The following HIP1R variants were observed in gnomAD, a reference collection of about 807,000 sequenced individuals.
The protein encoded by HIP1R is huntingtin-interacting protein 1-related protein.
In HIP1R, 135 loss-of-function variants were observed where a neutral mutation model predicts 144.2. That is an observed-to-expected ratio of 0.94 (90% CI 0.81 to 1.08). HIP1R has a LOEUF of 1.08. HIP1R is among the 50% of genes least tolerant of loss of function. The pLI, the probability that HIP1R is intolerant of heterozygous loss-of-function variation, is 0.00. For synonymous variants in HIP1R, 698 were observed against 612.8 expected (o/e 1.14, Z -2.05); for missense variants, 1,462 against 1,432.8 (o/e 1.02, Z -0.33).
Position 122,855,245 on chromosome 12 carries a change from C to G in HIP1R, c.853-20C>G, listed in dbSNP as rs752245775. The G allele has an allele frequency of 5.0e-6, 8 of 1,612,366 alleles. No individual in the cohort carries two copies. Among genetic ancestry groups the G allele is most frequent in the Non-Finnish European group, 3.4e-6 (4 of 1,179,636 alleles). Reference sequence around the variant, plus strand: ...TTGCTTAGGGGACAGCTGAGCAGGTCCCACCTGCCGCCCCTGCAGGGACCC... The same window carrying G: ...TTGCTTAGGGGACAGCTGAGCAGGTGCCACCTGCCGCCCCTGCAGGGACCC... On this transcript the variant is annotated intron_variant, in intron 10 of 31. Coordinates refer to ENST00000253083, the MANE Select transcript of HIP1R (RefSeq NM_003959.3).
At chr12:122,856,391 G>T in intron 15 of HIP1R, 41 bp from the exon 16 acceptor site, 1 of 1,609,630 alleles carries the variant, frequency 6.2e-7, no homozygotes, top group Non-Finnish European at 8.5e-7. Flanking sequence ...GGGCCTCTCG[G>T]GGATGGCAGC....
chr12:122,859,278 G>T (rs771257120), intron 22 of HIP1R, 81 bp downstream of exon 22: 28 of 1,501,646 alleles, frequency 1.9e-5, no homozygotes, highest in Admixed American at 6.0e-5. Context: ...GGCTGAACAG[G>T]TGTTTGTGCG....
At chr12:122,845,043 C>A (rs2033169048) in intron 1 of HIP1R, among the ~76,000 whole-genome samples, 1 of 152,262 alleles carries the variant, frequency 6.6e-6, no homozygotes, top group Non-Finnish European at 1.5e-5. Context: ...GGACCCAGAA[C>A]CAAGTATTGC....
rs923439099 is a variant in HIP1R at position 122,840,008 on chromosome 12, C to G, written c.93+4365C>G. 6.6e-6 allele frequency among the ~76,000 whole-genome samples: 1 copy of G among 152,246 alleles called. No individual in the cohort carries two copies. The highest frequency in any genetic ancestry group is 1.5e-5 in the Non-Finnish European group (1 of 68,034). ...TGATTTGCCCGCAGCATGGCATGGG[C>G]GTTGAGCTCGTTGTTCCTGGGCATG... On this transcript the variant is annotated intron_variant, in intron 1 of 31. Transcript: ENST00000253083. The surrounding 1 kb of genome is among the most constrained non-coding windows in gnomAD (Gnocchi z 4.2).
rs371778022 is a variant in HIP1R at position 122,854,154 on chromosome 12, C to T, written c.689C>T (p.Thr230Met). 2.8e-5 allele frequency: 45 copies of T among 1,613,628 alleles called. No homozygotes were observed. Among genetic ancestry groups the T allele is most frequent in the Non-Finnish European group, 3.5e-5 (41 of 1,179,894 alleles). ...GACTGCAGCCACCTCTACCACTACA[C>T]GGTCAAGCTCCTGTTCAAGCTACAC... ...IQDCSHLYHY[T>M]VKLLFKLHSC... Residue 230 changes from threonine (T) to methionine (M), a missense_variant, in exon 8 of 32, where the codon ACG (threonine) becomes ATG (methionine). Physicochemically the swap from Thr to Met is moderately conservative, Grantham distance 81. Around this residue, in one of 2 missense-constraint regions of HIP1R, gnomAD observed 350 missense variants for 421.1 expected, o/e 0.83. Transcript: ENST00000253083.
chr12:122,857,123 A>G lies in HIP1R; in HGVS notation c.1723A>G (p.Ser575Gly), dbSNP rs1042588477. 4 of 1,550,580 alleles carry G rather than the reference A, an allele frequency of 2.6e-6. No individual in the cohort carries two copies. Among genetic ancestry groups the G allele is most frequent in the Non-Finnish European group, 3.5e-6 (4 of 1,147,010 alleles). The change falls in exon 18 of 32, where the codon AGC becomes GGC. Residue 575 changes from serine (S) to glycine (G), a missense_variant. This residue lies in a region of HIP1R where 1,112 missense variants were observed against 1,011.7 expected (regional missense o/e 1.10). Transcript: ENST00000253083. ...GGAGGCAGACCTGCTGGCGGCGCAG[A>G]GCCTGGTGCGCGAGACAGAGGCGGC... ...QREADLLAAQ[S>G]LVRETEAALS... is the part of the protein sequence containing the mutation.
rs2033573986 is a variant in HIP1R at position 122,856,276 on chromosome 12, G to A, written c.1333G>A (p.Ala445Thr). 2 of 1,613,724 alleles carry A rather than the reference G, an allele frequency of 1.2e-6. No homozygotes were observed. Among genetic ancestry groups the A allele is most frequent in the Admixed American group, 1.7e-5 (1 of 60,004 alleles). The change falls in exon 15 of 32, where the codon GCG becomes ACG. Residue 445 changes from alanine to threonine, a missense_variant. Around this residue, in one of 2 missense-constraint regions of HIP1R, gnomAD observed 1,112 missense variants for 1,011.7 expected, o/e 1.10. Transcript: ENST00000253083. ...EAERKASATEARYNKLKEKHS... is the reference protein window; with the variant it reads ...EAERKASATETRYNKLKEKHS... ...CCCAGGGAAGGCCAGTGCCACGGAG[G>A]CGCGCTACAACAAGCTGAAGGAAAA...
rs764086135 is a variant in HIP1R, at chr12:122,855,997, G to A, written c.1146G>A (p.Ala382=). Reference sequence around the variant, plus strand: ...TCCCGCAGGCCCAGCGGTACATCGCGCAGCTGAAGAGCCAGGTGAATGCAC... The same window carrying A: ...TCCCGCAGGCCCAGCGGTACATCGCACAGCTGAAGAGCCAGGTGAATGCAC... ...KIKLEAQRYI[A]QLKSQVNALE... is the part of the protein sequence containing the mutation. Residue 382 remains alanine, a synonymous_variant, in exon 14 of 32, where the codon GCG becomes GCA. Coordinates refer to ENST00000253083, the MANE Select transcript of HIP1R (RefSeq NM_003959.3). 105 of 1,591,210 alleles carry A rather than the reference G, an allele frequency of 6.6e-5. No individual in the cohort carries two copies. In the East Asian group the frequency reaches 1.5e-3, roughly 23 times the overall value.
At position 122,860,164 on chromosome 12, in the gene HIP1R, TGAC is replaced by T; in HGVS notation, c.2517_2519del (p.Thr840del). 6.3e-7 allele frequency: 1 copy of T among 1,574,892 alleles called. No homozygotes were observed. Among genetic ancestry groups the T allele is most frequent in the Non-Finnish European group, 8.6e-7 (1 of 1,162,244 alleles). ...TCTCGGCAGGCTATCCGGCTCCTGG[TGAC>T]GACATCCACTAGCCTGCAGAAGGAG... On this transcript the variant is annotated inframe_deletion, in exon 26 of 32. Coordinates refer to ENST00000253083, the MANE Select transcript of HIP1R (RefSeq NM_003959.3).
intron 18 of HIP1R, chr12:122,857,739 T>C (rs2033634153): frequency 3.8e-6 from 1 of 266,262 alleles, no homozygotes; most frequent in African/African-American, 2.2e-5. Context: ...TCCTTGCCAA[T>C]GCTTATTATT....
At chr12:122,851,113 C>G (rs1238505774) in intron 6 of HIP1R, 123 bp from the exon 7 acceptor site, 1 of 927,092 alleles carries the variant, frequency 1.1e-6, no homozygotes. Flanking sequence ...CTGGCAGAGG[C>G]ACGCTGTCTC....
intron 1 of HIP1R, among the ~76,000 whole-genome samples, chr12:122,839,936 A>C (rs1262852423): frequency 6.6e-6 from 1 of 152,224 alleles, no homozygotes. Context: ...AAGTGTTAGA[A>C]TCACCTGGTG....
intron 1 of HIP1R, among the ~76,000 whole-genome samples, chr12:122,843,506 C>G: frequency 6.6e-6 from 1 of 152,226 alleles, no homozygotes; most frequent in Admixed American, 6.5e-5. Flanking sequence ...AGAGTATGTT[C>G]TTACACACTT....
chr12:122,859,016 C>T lies in HIP1R; in HGVS notation c.2159-45C>T, dbSNP rs768764220. On this transcript the variant is annotated intron_variant, in intron 21 of 31. Coordinates refer to ENST00000253083, the MANE Select transcript of HIP1R (RefSeq NM_003959.3). ...GTCTCCCCTGGGGGTCCTTATGGAG[C>T]CTGTCGGTGGGGGGGGCTCCACTCA... is the stretch of plus-strand genomic sequence containing the variant. 6.8e-6 allele frequency: 10 copies of T among 1,478,174 alleles called. No individual in the cohort carries two copies. The Admixed American group carries it at 2.1e-4, about 31-fold the overall frequency. The allele number at this position is 1,478,174 out of a possible 1,614,324, so 91.6% of individuals were successfully genotyped here.
At chr12:122,857,372 G>A in intron 18 of HIP1R, 157 bp downstream of exon 18, 1 of 720,192 alleles carries the variant, frequency 1.4e-6, no homozygotes, top group Non-Finnish European at 2.4e-6. Context: ...GCATCACGTT[G>A]TCAAGGGTCA....
Position 122,859,044 on chromosome 12 carries a change from G to C in HIP1R, c.2159-17G>C. ...GTCGGTGGGGGGGGCTCCACTCACG[G>C]TCCTTTCTCACCCCAGGCCTCATAG... On this transcript the variant is annotated splice_polypyrimidine_tract_variant and intron_variant, in intron 21 of 31. Transcript: ENST00000253083. 1 of 1,605,690 alleles carries C rather than the reference G, an allele frequency of 6.2e-7. No homozygotes were observed.
At chr12:122,859,604 C>CT in intron 23 of HIP1R, 68 bp downstream of exon 23, 1 of 1,416,230 alleles carries the variant, frequency 7.1e-7, no homozygotes, top group Non-Finnish European at 9.8e-7. Flanking sequence ...CCCAACTGGG[C>CT]TGGGTACAGG....
Position 122,855,986 on chromosome 12 carries a change from CG to C in HIP1R, c.1137del (p.Tyr380ThrfsTer5), listed in dbSNP as rs1356269589. 3 of 1,586,992 alleles carry C rather than the reference CG, an allele frequency of 1.9e-6. No individual in the cohort carries two copies. Among genetic ancestry groups the C allele is most frequent in the Non-Finnish European group, 2.6e-6 (3 of 1,167,112 alleles). On this transcript the variant is annotated frameshift_variant, in exon 14 of 32. Coordinates refer to ENST00000253083, the MANE Select transcript of HIP1R (RefSeq NM_003959.3). LOFTEE classifies it high-confidence loss of function. ...GTCACACCTCCTCCCGCAGGCCCAG[CG>C]GTACATCGCGCAGCTGAAGAGCCAG... Reference protein sequence around the residue: ...ELEKIKLEAQRYIAQLKSQVN... With the variant: ...ELEKIKLEAQXYIAQLKSQVN...
rs577500956 is a variant in HIP1R at position 122,859,915 on chromosome 12, C to T, written c.2465+85C>T. 1.9e-5 allele frequency: 29 copies of T among 1,487,712 alleles called. No individual in the cohort carries two copies. The East Asian group carries it at 3.0e-4, about 15-fold the overall frequency. 92.2% of individuals were successfully genotyped at this position (1,487,712 alleles called of 1,614,324 possible). On this transcript the variant is annotated intron_variant, in intron 24 of 31. Transcript: ENST00000253083. ...GTTCTGCCCCCAACTGTTCTGCTCA[C>T]GGGAAAGGAAGGCCTGGCTCAGAGC...
Sources: gnomAD v4.1 joint callset for allele counts (sites outside exome capture counted in the v4.1 genomes callset) on GRCh38, gnomAD v4.1.1 for gene constraint, gnomAD v4.1.1 regional missense constraint, Gnocchi (gnomAD v3.1) non-coding constraint, MANE v1.5 for transcripts, NCBI Gene and HGNC (gene_info 2026-07-23, HGNC 2026-07-21) for gene names.